Variants in CTNND2 observed in about 807,000 individuals in gnomAD.
CTNND2 encodes the protein catenin delta 2, also known as catenin delta-2.
CTNND2 carries 22 observed loss-of-function variants against 144.4 expected under a neutral mutation model. That is an observed-to-expected ratio of 0.15 (90% confidence interval 0.11 to 0.22). The LOEUF is 0.22. CTNND2 is among the 10% of genes least tolerant of loss of function. CTNND2 has a pLI of 1.00. For missense variants in CTNND2, 1,353 were observed against 1,618.8 expected (o/e 0.84, Z 2.82); for synonymous variants, 751 against 695.6 (o/e 1.08, Z -1.25).
At chr5:11,453,408 G>A (rs1561417025) in intron 3 of CTNND2, among the ~76,000 whole-genome samples, 1 of 152,152 alleles carries the variant, frequency 6.6e-6, no homozygotes, top group Non-Finnish European at 1.5e-5. Context: ...GTATTTTAAG[G>A]AAGTGAAACT....
chr5:11,018,406 T>A (rs1332082740), intron 17 of CTNND2, among the ~76,000 whole-genome samples: 2 of 152,088 alleles, frequency 1.3e-5, no homozygotes, highest in Non-Finnish European at 2.9e-5. Flanking sequence ...AAAGAAAGGG[T>A]TGCACGCCTC....
At chr5:11,587,016 A>T (rs1778914510) in intron 2 of CTNND2, among the ~76,000 whole-genome samples, 1 of 152,170 alleles carries the variant, frequency 6.6e-6, no homozygotes, top group South Asian at 2.1e-4. Context: ...TAATCATAAC[A>T]TCAATGAGTT....
At chr5:11,688,379 A>G (rs893927471) in intron 2 of CTNND2, among the ~76,000 whole-genome samples, 4 of 152,140 alleles carry the variant, frequency 2.6e-5, no homozygotes, top group African/African-American at 9.7e-5. Context: ...GACTTTGAGA[A>G]GACCCCAAAA....
chr5:11,184,304 A>C (rs1441216853), intron 11 of CTNND2, among the ~76,000 whole-genome samples: 2 of 152,256 alleles, frequency 1.3e-5, no homozygotes, highest in African/African-American at 4.8e-5. Flanking sequence ...TGTTAAGTAT[A>C]TCTGGAAACC....
At chr5:11,442,847 A>C (rs1404659289) in intron 3 of CTNND2, among the ~76,000 whole-genome samples, 1 of 123,288 alleles carries the variant, frequency 8.1e-6, no homozygotes, top group Non-Finnish European at 1.8e-5. Context: ...ATTTTATATA[A>C]TATAATGATT....
At chr5:11,734,687 C>G (rs1787582540) in intron 1 of CTNND2, among the ~76,000 whole-genome samples, 1 of 152,186 alleles carries the variant, frequency 6.6e-6, no homozygotes, top group Non-Finnish European at 1.5e-5. Flanking sequence ...TATACCATAT[C>G]TAAGCATCCT....
intron 3 of CTNND2, among the ~76,000 whole-genome samples, chr5:11,435,494 T>C (rs899380576): frequency 6.6e-6 from 1 of 152,128 alleles, no homozygotes; most frequent in African/African-American, 2.4e-5. Context: ...TTACAAGCCC[T>C]AGGTCTCTAC....
At chr5:11,865,053 G>A (rs1188754186) in intron 1 of CTNND2, among the ~76,000 whole-genome samples, 4 of 151,942 alleles carry the variant, frequency 2.6e-5, no homozygotes, top group Non-Finnish European at 2.9e-5. Flanking sequence ...GTGCCACCAC[G>A]CCTGGCTAAT....
At chr5:11,693,319 T>C (rs989774367) in intron 2 of CTNND2, among the ~76,000 whole-genome samples, 6 of 152,228 alleles carry the variant, frequency 3.9e-5, no homozygotes, top group African/African-American at 1.4e-4. Flanking sequence ...CTAGCTTATG[T>C]TAGTTTGTTA....
intron 1 of CTNND2, among the ~76,000 whole-genome samples, chr5:11,820,507 C>G (rs1793252667): frequency 6.6e-6 from 1 of 152,182 alleles, no homozygotes; most frequent in Non-Finnish European, 1.5e-5. Flanking sequence ...AGAGTTAACT[C>G]TATGGTGAAT....
intron 2 of CTNND2, among the ~76,000 whole-genome samples, chr5:11,606,028 G>A (rs1780025977): frequency 6.6e-6 from 1 of 152,156 alleles, no homozygotes; most frequent in Admixed American, 6.6e-5. Flanking sequence ...GCTGTACCCA[G>A]TACTGTATGT....
chr5:11,133,118 C>T (rs561561056), intron 12 of CTNND2, among the ~76,000 whole-genome samples: 7 of 151,962 alleles, frequency 4.6e-5, no homozygotes, highest in African/African-American at 1.2e-4. Flanking sequence ...ATGAAAATAT[C>T]GCATATGGAG....
At chr5:11,883,408 A>C (rs1015900536) in intron 1 of CTNND2, among the ~76,000 whole-genome samples, 2 of 151,866 alleles carry the variant, frequency 1.3e-5, no homozygotes, top group Admixed American at 6.6e-5. Context: ...TTCAGCTCTC[A>C]CCTATGAATG....
intron 3 of CTNND2, among the ~76,000 whole-genome samples, chr5:11,441,232 C>G (rs1203180509): frequency 3.9e-5 from 6 of 152,074 alleles, no homozygotes; most frequent in African/African-American, 1.4e-4. Context: ...TCTTACAACT[C>G]TCTACAATTT....
chr5:11,343,722 T>C (rs1396106390), intron 9 of CTNND2, among the ~76,000 whole-genome samples: 4 of 152,178 alleles, frequency 2.6e-5, no homozygotes, highest in Admixed American at 1.3e-4. Flanking sequence ...GCATTAAATA[T>C]GGGATATCAG....
At chr5:11,206,328 G>A (rs994897516) in intron 10 of CTNND2, among the ~76,000 whole-genome samples, 1 of 152,138 alleles carries the variant, frequency 6.6e-6, no homozygotes, top group African/African-American at 2.4e-5. Context: ...GTTTTTCTGA[G>A]AGCAGACACC....
intron 16 of CTNND2, among the ~76,000 whole-genome samples, chr5:11,026,140 A>G (rs1742796945): frequency 6.6e-6 from 1 of 152,218 alleles, no homozygotes; most frequent in South Asian, 2.1e-4. Flanking sequence ...TCACAGTCCC[A>G]GGGACAGAAA....
intron 2 of CTNND2, among the ~76,000 whole-genome samples, chr5:11,686,745 T>C (rs1038403196): frequency 6.7e-6 from 1 of 149,072 alleles, no homozygotes; most frequent in African/African-American, 2.4e-5. Flanking sequence ...ATGTTAAATA[T>C]ATTATTCTTA....
At chr5:11,839,458 T>C (rs980419066) in intron 1 of CTNND2, among the ~76,000 whole-genome samples, 2 of 152,100 alleles carry the variant, frequency 1.3e-5, no homozygotes, top group African/African-American at 4.8e-5. Flanking sequence ...TTTTAAACTA[T>C]TGCTGTCTAT....
Sources: gnomAD v4.1 joint callset for allele counts (sites outside exome capture counted in the v4.1 genomes callset) on GRCh38, gnomAD v4.1.1 for gene constraint, MANE v1.5 for transcripts, NCBI Gene and HGNC (gene_info 2026-07-23, HGNC 2026-07-21) for gene names.